RERG: variants seen among roughly 807,000 people sequenced by gnomAD.
RERG encodes the protein RAS like estrogen regulated growth inhibitor, also known as ras-related and estrogen-regulated growth inhibitor.
In RERG, 25 loss-of-function variants were observed where a neutral mutation model predicts 23.2. That is an observed-to-expected ratio of 1.08 (90% confidence interval 0.79 to 1.50). The LOEUF (loss-of-function observed/expected upper bound fraction) is 1.50. Ranked by LOEUF, RERG falls within the 40% of genes most tolerant of loss-of-function variation. The probability of loss-of-function intolerance (pLI) is 0.00; values close to 1 mark genes in which losing one functional copy is unlikely to be tolerated. For synonymous variants in RERG, 81 were observed against 89.1 expected (o/e 0.91, Z 0.51); for missense variants, 253 against 250.1 (o/e 1.01, Z -0.08).
chr12:15,173,461 T>A (rs1281631809), intron 2 of RERG, among the ~76,000 whole-genome samples: 1 of 152,014 alleles, frequency 6.6e-6, no homozygotes, highest in Non-Finnish European at 1.5e-5. Context: ...GTCTATTGCA[T>A]TTCCGTATAA....
intron 2 of RERG, among the ~76,000 whole-genome samples, chr12:15,176,304 G>A (rs1257563303): frequency 1.3e-5 from 2 of 152,136 alleles, no homozygotes; most frequent in Non-Finnish European, 2.9e-5. Context: ...GAGTGTGACA[G>A]AAGCCTACAT....
At position 15,197,853 on chromosome 12, in the gene RERG, G is replaced by A. The variant is rs568060803; in HGVS notation, c.61+19576C>T. On this transcript the variant is annotated intron_variant, in intron 2 of 4. Coordinates refer to ENST00000256953, the MANE Select transcript of RERG (RefSeq NM_032918.3). Reference sequence around the variant, plus strand: ...GTGGGCGGTGCAGAGAAAAAGGACGGGCTGGGCCTGTATTACCCAGGAGCA... The same window carrying A: ...GTGGGCGGTGCAGAGAAAAAGGACGAGCTGGGCCTGTATTACCCAGGAGCA... Among the ~76,000 whole-genome samples the A allele has an allele frequency of 7.1e-4, 108 of 152,176 alleles. 1 individual carries two copies. In the South Asian group the frequency reaches 0.022, roughly 31 times the overall value.
intron 1 of RERG, chr12:15,217,913 G>T: frequency 5.8e-6 from 1 of 171,190 alleles, no homozygotes; most frequent in Non-Finnish European, 1.2e-5. Context: ...GAAAGTAAAA[G>T]TGAATACACA....
chr12:15,120,714 G>GAT (rs1399680344), intron 3 of RERG, among the ~76,000 whole-genome samples: 17 of 151,946 alleles, frequency 1.1e-4, no homozygotes, highest in Non-Finnish European at 2.5e-4. Context: ...CTCTTCTCAG[G>GAT]ATACCATTCT....
At chr12:15,189,380 T>C (rs1343053549) in intron 2 of RERG, among the ~76,000 whole-genome samples, 1 of 152,176 alleles carries the variant, frequency 6.6e-6, no homozygotes, top group Non-Finnish European at 1.5e-5. Flanking sequence ...ACTTGCTGTT[T>C]CCTTTTCCTA....
intron 2 of RERG, among the ~76,000 whole-genome samples, chr12:15,179,950 C>A (rs1424401718): frequency 6.6e-6 from 1 of 151,920 alleles, no homozygotes; most frequent in African/African-American, 2.4e-5. Flanking sequence ...GGGGCCAGGC[C>A]AAAGTTGTAA....
chr12:15,131,598 C>T (rs1269649048), intron 2 of RERG, among the ~76,000 whole-genome samples: 1 of 152,096 alleles, frequency 6.6e-6, no homozygotes, highest in East Asian at 1.9e-4. Context: ...AACATTTGGA[C>T]TTTATTGTGG....
chr12:15,187,717 C>T (rs1335659780), intron 2 of RERG, among the ~76,000 whole-genome samples: 1 of 152,196 alleles, frequency 6.6e-6, no homozygotes, highest in African/African-American at 2.4e-5. Flanking sequence ...CGCCACCACA[C>T]CCAGCTATTT....
chr12:15,177,235 C>G (rs553128605), intron 2 of RERG, among the ~76,000 whole-genome samples: 17 of 152,202 alleles, frequency 1.1e-4, no homozygotes, highest in African/African-American at 4.1e-4. Flanking sequence ...GTCAGATCAC[C>G]TGAGGTCAAG....
At chr12:15,125,397 T>G (rs1005512239) in intron 2 of RERG, among the ~76,000 whole-genome samples, 4 of 152,058 alleles carry the variant, frequency 2.6e-5, no homozygotes, top group Non-Finnish European at 5.9e-5. Flanking sequence ...ATAATAAACT[T>G]ACGTAGTATC....
At position 15,166,565 on chromosome 12, in the gene RERG, G is replaced by T. The variant is rs142727831; in HGVS notation, c.62-45446C>A. ...GGTAGTGGTGTTGGTGGTGGTGTTG[G>T]TGGTGGTGGTGGTGGTAGGGGTGGT... is the stretch of plus-strand genomic sequence containing the variant. On this transcript the variant is annotated intron_variant, in intron 2 of 4. Transcript: ENST00000256953. Among the ~76,000 whole-genome samples the T allele has an allele frequency of 6.0e-3, 907 of 151,480 alleles. 10 individuals carry two copies. The highest frequency in any genetic ancestry group is 0.055 in the Middle Eastern group (16 of 292).
chr12:15,204,964 G>C (rs946556484), intron 2 of RERG, among the ~76,000 whole-genome samples: 3 of 151,832 alleles, frequency 2.0e-5, no homozygotes, highest in Non-Finnish European at 2.9e-5. Flanking sequence ...TAGCTTAATT[G>C]TGTATCTACA....
intron 2 of RERG, among the ~76,000 whole-genome samples, chr12:15,170,800 C>T (rs1016670673): frequency 6.6e-6 from 1 of 152,152 alleles, no homozygotes; most frequent in African/African-American, 2.4e-5. Context: ...GTAAAATCAC[C>T]CTAAACAACC....
intron 2 of RERG, among the ~76,000 whole-genome samples, chr12:15,161,187 AAAGAAAG>A (rs1250902173): frequency 4.0e-5 from 6 of 149,434 alleles, no homozygotes; most frequent in Non-Finnish European, 7.4e-5. Context: ...AGAAAGAAAG[AAAGAAAG>A]AAAGAAAGAA....
chr12:15,139,296 C>T (rs1420227337), intron 2 of RERG, among the ~76,000 whole-genome samples: 1 of 152,010 alleles, frequency 6.6e-6, no homozygotes, highest in African/African-American at 2.4e-5. Flanking sequence ...ATTGTGTTGG[C>T]TACTCTAGGT....
At chr12:15,136,443 T>C (rs1282061056) in intron 2 of RERG, among the ~76,000 whole-genome samples, 3 of 152,022 alleles carry the variant, frequency 2.0e-5, no homozygotes, top group African/African-American at 4.8e-5. Flanking sequence ...ATTTTGTGTT[T>C]AATTCACTCT....
At chr12:15,124,976 A>G (rs1337084103) in intron 2 of RERG, among the ~76,000 whole-genome samples, 1 of 151,954 alleles carries the variant, frequency 6.6e-6, no homozygotes, top group Non-Finnish European at 1.5e-5. Flanking sequence ...TTGATATTTA[A>G]TATATACTCT....
chr12:15,126,286 A>G (rs1033234326), intron 2 of RERG, among the ~76,000 whole-genome samples: 13 of 151,932 alleles, frequency 8.6e-5, no homozygotes, highest in Non-Finnish European at 1.6e-4. Flanking sequence ...TGAAATGTCT[A>G]TTAAAATCTG....
At chr12:15,188,094 T>C (rs11056394) in intron 2 of RERG, among the ~76,000 whole-genome samples, 16,358 of 152,066 alleles carry the variant, frequency 0.11, 1,085 homozygotes, top group Middle Eastern at 0.17. Context: ...GAAATAGATA[T>C]CCAGAGAGAT....
Sources: allele counts gnomAD v4.1 joint callset (sites outside exome capture counted in the v4.1 genomes callset), GRCh38; gene constraint gnomAD v4.1.1; transcripts MANE v1.5; gene names NCBI Gene and HGNC (gene_info 2026-07-23, HGNC 2026-07-21).